Variants in HERC1 observed in about 807,000 individuals in gnomAD.
The protein encoded by HERC1 is probable E3 ubiquitin-protein ligase HERC1.
A neutral mutation model predicts 554.3 loss-of-function variants in HERC1; 160 were observed. That is an observed-to-expected ratio of 0.29 (90% CI 0.25 to 0.33). HERC1 has a LOEUF of 0.33. Among genes scored for constraint, HERC1 ranks in the 10% least tolerant of loss-of-function variants. HERC1 has a pLI of 1.00. For synonymous variants in HERC1, 2,175 were observed against 2,131.7 expected (o/e 1.02, Z -0.56); for missense variants, 4,919 against 5,918.5 (o/e 0.83, Z 5.54).
chr15:63,696,328 C>A lies in HERC1; in HGVS notation c.4917G>T (p.Glu1639Asp). Residue 1639 changes from glutamate (E) to aspartate (D), a missense_variant, in exon 27 of 78, where the codon GAG (glutamate) becomes GAT (aspartate). Coordinates refer to ENST00000443617, the MANE Select transcript of HERC1 (RefSeq NM_003922.4). ...ATAGAACGAGGATCTGATGAAGTGC[C>A]TCTAAACGAAGCTTGAGGAAAAAAA... Reference protein sequence around the residue: ...QQQLRAELRLEALHQILVLLS... With the variant: ...QQQLRAELRLDALHQILVLLS... The A allele has an allele frequency of 6.2e-7, 1 of 1,610,892 alleles. No homozygotes were observed. Among genetic ancestry groups the A allele is most frequent in the South Asian group, 1.1e-5 (1 of 90,320 alleles).
At chr15:63,615,141 G>T (rs1157473547) in intron 76 of HERC1, among the ~76,000 whole-genome samples, 1 of 152,224 alleles carries the variant, frequency 6.6e-6, no homozygotes, top group African/African-American at 2.4e-5. Context: ...CTGGGAAGCA[G>T]TAAGACATGA....
In HERC1 at chr15:63,756,450, G is replaced by C; in HGVS notation, c.1520C>G (p.Pro507Arg). Residue 507 changes from proline to arginine, a missense_variant, in exon 5 of 78, where the codon CCT becomes CGT. Physicochemically the swap from Pro to Arg is moderately radical, Grantham distance 103. Transcript: ENST00000443617. This position sits in a 1 kb window ranked among gnomAD's most constrained non-coding sequence, Gnocchi z 5.0. ...GAATGCACATACCTTTCCTTGTAGA[G>C]GTCCCTGAATAAGCTTGGGATATTT... The part of the protein sequence containing the change: ...TQKYPKLIQG[P>R]LQGKVVVCVS... The C allele has an allele frequency of 6.2e-7, 1 of 1,611,978 alleles. No individual in the cohort carries two copies. Among genetic ancestry groups the C allele is most frequent in the Non-Finnish European group, 8.5e-7 (1 of 1,178,858 alleles).
At chr15:63,810,620 A>T (rs968161088) in intron 1 of HERC1, among the ~76,000 whole-genome samples, 4 of 152,104 alleles carry the variant, frequency 2.6e-5, no homozygotes, top group Non-Finnish European at 5.9e-5. Context: ...ATTTGCATAT[A>T]TTGCTTCTTT....
intron 1 of HERC1, among the ~76,000 whole-genome samples, chr15:63,827,845 G>A (rs1163259347): frequency 2.6e-5 from 4 of 152,198 alleles, no homozygotes; most frequent in Non-Finnish European, 5.9e-5. Context: ...CAACATGGAT[G>A]AACCTTGACA....
chr15:63,781,619 C>T (rs2076291624), intron 1 of HERC1, among the ~76,000 whole-genome samples: 1 of 152,138 alleles, frequency 6.6e-6, no homozygotes, highest in South Asian at 2.1e-4. Context: ...TTGCCTAAGA[C>T]ACAACAATAT....
At chr15:63,684,567 T>C (rs548081714) in intron 34 of HERC1, among the ~76,000 whole-genome samples, 3 of 152,262 alleles carry the variant, frequency 2.0e-5, no homozygotes, top group Non-Finnish European at 4.4e-5. Context: ...AAATTTAAAG[T>C]TGTAATTACT....
chr15:63,713,314 A>G, intron 23 of HERC1, 39 bp downstream of exon 23: 1 of 1,508,818 alleles, frequency 6.6e-7, no homozygotes, highest in Non-Finnish European at 9.2e-7. Context: ...AATAAAGGGA[A>G]GTGAGTAGGT....
chr15:63,743,439 A>AT (rs1312529042), intron 12 of HERC1, among the ~76,000 whole-genome samples: 2 of 150,120 alleles, frequency 1.3e-5, no homozygotes, highest in Non-Finnish European at 3.0e-5. Context: ...TTTTTTTTGT[A>AT]TTTTTAGTAG....
intron 1 of HERC1, among the ~76,000 whole-genome samples, chr15:63,781,919 C>G (rs1202591374): frequency 2.6e-5 from 4 of 152,228 alleles, no homozygotes; most frequent in African/African-American, 4.8e-5. Flanking sequence ...TCAAACCAGT[C>G]ACAATATTCC....
rs1341803851 is a variant in HERC1, at chr15:63,645,050, G to T, written c.11126C>A (p.Thr3709Asn). 1 of 1,613,752 alleles carries T rather than the reference G, an allele frequency of 6.2e-7. No individual in the cohort carries two copies. The highest frequency in any genetic ancestry group is 8.5e-7 in the Non-Finnish European group (1 of 1,179,748). The change falls in exon 57 of 78, where the codon ACT becomes AAT. Residue 3709 changes from threonine to asparagine, a missense_variant. Physicochemically the swap from Thr to Asn is moderately conservative, Grantham distance 65. This residue lies in a region of HERC1 where 1,963 missense variants were observed against 2,228.6 expected (regional missense o/e 0.88). Coordinates refer to ENST00000443617, the MANE Select transcript of HERC1 (RefSeq NM_003922.4). ...TGCACTAGTCACATTGGTCTGTGTA[G>T]TATCTTGAGGAATGCGCCAAACACA... ...LVCVWRIPQD[T>N]TQTNVTSAEG...
At chr15:63,624,404 T>C (rs1300719216) in intron 71 of HERC1, 77 bp from the exon 72 acceptor site, 8 of 1,370,074 alleles carry the variant, frequency 5.8e-6, no homozygotes, top group East Asian at 2.3e-5. Context: ...TTATAGAACA[T>C]ACATTATTTT....
rs567573974 is a variant in HERC1, at chr15:63,811,145, G to A, written c.-27+22682C>T. Among the ~76,000 whole-genome samples the A allele has an allele frequency of 7.8e-4, 118 of 152,256 alleles. No homozygotes were observed. The South Asian group carries it at 0.022, about 29-fold the overall frequency. On this transcript the variant is annotated intron_variant, in intron 1 of 77. Transcript: ENST00000443617. Reference sequence around the variant, plus strand: ...CAAAAAGCAACTATAAAAGATATGTGGGAAACAAGAAAGATTTAAACACAA... The same window carrying A: ...CAAAAAGCAACTATAAAAGATATGTAGGAAACAAGAAAGATTTAAACACAA...
At chr15:63,776,879 T>C (rs1417528349) in intron 1 of HERC1, among the ~76,000 whole-genome samples, 1 of 152,190 alleles carries the variant, frequency 6.6e-6, no homozygotes. Flanking sequence ...AAATTTTGCC[T>C]CAACAAATAC....
At chr15:63,675,259 A>G in intron 37 of HERC1, 142 bp from the exon 38 acceptor site, 1 of 630,022 alleles carries the variant, frequency 1.6e-6, no homozygotes, top group Non-Finnish European at 2.5e-6. Flanking sequence ...AAATCATTAC[A>G]AACACAGAGA....
In HERC1 at chr15:63,733,068, G is replaced by T; in HGVS notation, c.2724C>A (p.Pro908=). The T allele has an allele frequency of 6.2e-7, 1 of 1,613,796 alleles. No individual in the cohort carries two copies. The highest frequency in any genetic ancestry group is 2.2e-5 in the East Asian group (1 of 44,868). ...HVASLLGYSS[P]SDAADLSSVC... Reference sequence around the variant, plus strand: ...CAGAAGATAGGTCAGCAGCATCAGAGGGTGAACTATAGCCAAGTAGGGAGG... The same window carrying T: ...CAGAAGATAGGTCAGCAGCATCAGATGGTGAACTATAGCCAAGTAGGGAGG... The change falls in exon 14 of 78, where the codon CCC becomes CCA. Residue 908 remains proline, a synonymous_variant. Transcript: ENST00000443617.
At chr15:63,733,757 T>C (rs2074389813) in intron 13 of HERC1, among the ~76,000 whole-genome samples, 2 of 151,880 alleles carry the variant, frequency 1.3e-5, no homozygotes, top group Admixed American at 1.3e-4. Context: ...AAGGCTGAGG[T>C]GGGAGAATCA....
At position 63,654,150 on chromosome 15, in the gene HERC1, G is replaced by T; in HGVS notation, c.10259C>A (p.Ser3420Tyr). The change falls in exon 51 of 78, where the codon TCC becomes TAC. Residue 3420 changes from serine to tyrosine, a missense_variant. Coordinates refer to ENST00000443617, the MANE Select transcript of HERC1 (RefSeq NM_003922.4). ...ADMGGDLRKCSFIKLEAHQNR... is the reference protein window; with the variant it reads ...ADMGGDLRKCYFIKLEAHQNR... ...CTGATGAGCCTCCAATTTGATAAAG[G>T]AGCATTTTCTAAGATCTCCTCCCAT... is the stretch of plus-strand genomic sequence containing the variant. 1 of 1,613,886 alleles carries T rather than the reference G, an allele frequency of 6.2e-7. No homozygotes were observed. The highest frequency in any genetic ancestry group is 8.5e-7 in the Non-Finnish European group (1 of 1,179,788).
At chr15:63,771,938 G>C (rs1171946398) in intron 2 of HERC1, among the ~76,000 whole-genome samples, 1 of 152,012 alleles carries the variant, frequency 6.6e-6, no homozygotes, top group Non-Finnish European at 1.5e-5. Context: ...GGCCTTCATG[G>C]AAACCCCGTC....
At position 63,749,836 on chromosome 15, in the gene HERC1, T is replaced by C. The variant is rs1036960979; in HGVS notation, c.1903-45A>G. 3.4e-6 allele frequency: 5 copies of C among 1,457,298 alleles called. No individual in the cohort carries two copies. The highest frequency in any genetic ancestry group is 4.6e-6 in the Non-Finnish European group (5 of 1,093,616). 90.3% of individuals were successfully genotyped at this position (1,457,298 alleles called of 1,614,324 possible). A position where few individuals can be genotyped will look rare whatever the true frequency, so the allele number is the denominator to read the frequency against. Reference sequence around the variant, plus strand: ...GTTACACATAACTTCCTGAGATGATTAGATTGTTGGCTTTAGGGATAAATG... The same window carrying C: ...GTTACACATAACTTCCTGAGATGATCAGATTGTTGGCTTTAGGGATAAATG... On this transcript the variant is annotated intron_variant, in intron 8 of 77. Coordinates refer to ENST00000443617, the MANE Select transcript of HERC1 (RefSeq NM_003922.4). This position sits in a 1 kb window ranked among gnomAD's most constrained non-coding sequence, Gnocchi z 4.1.
Sources: allele counts gnomAD v4.1 joint callset (sites outside exome capture counted in the v4.1 genomes callset), GRCh38; gene constraint gnomAD v4.1.1; regional missense constraint gnomAD v4.1.1; non-coding constraint Gnocchi (gnomAD v3.1); transcripts MANE v1.5; gene names NCBI Gene and HGNC (gene_info 2026-07-23, HGNC 2026-07-21).